Variants in YTHDC2 observed in about 807,000 individuals in gnomAD.
YTHDC2 encodes the protein YTH N6-methyladenosine RNA binding protein C2.
YTHDC2 carries 45 observed loss-of-function variants against 174.9 expected under a neutral mutation model. The observed-to-expected ratio is 0.26, with a 90% CI of 0.20 to 0.33. The LOEUF (loss-of-function observed/expected upper bound fraction) is 0.33, where lower values mean the gene tolerates loss of function less well. Among genes scored for constraint, YTHDC2 ranks in the 10% least tolerant of loss-of-function variants. The pLI, the probability that YTHDC2 is intolerant of heterozygous loss-of-function variation, is 1.00. For missense variants in YTHDC2, 1,650 were observed against 1,723.7 expected, an observed-to-expected ratio of 0.96 and a Z score of 0.76; for synonymous variants, 657 against 574.5, an observed-to-expected ratio of 1.14 and a Z score of -2.05.
chr5:113,522,403 A>G lies in YTHDC2; in HGVS notation c.279-2578A>G, dbSNP rs572876441. Among the ~76,000 whole-genome samples the G allele has an allele frequency of 1.2e-4, 19 of 152,284 alleles. No individual in the cohort carries two copies. In the South Asian group the frequency reaches 3.9e-3, roughly 32 times the overall value. On this transcript the variant is annotated intron_variant, in intron 2 of 29. Coordinates refer to ENST00000161863, the MANE Select transcript of YTHDC2 (RefSeq NM_022828.5). ...GCATCATTTTTCTTTCAAAGGAAGA[A>G]GCCATTGAAATGCCAAAATGCATCG...
chr5:113,564,845 G>A (rs1261198783), intron 20 of YTHDC2, among the ~76,000 whole-genome samples: 1 of 152,016 alleles, frequency 6.6e-6, no homozygotes, highest in African/African-American at 2.4e-5. Flanking sequence ...AGACAGTCTT[G>A]CTCTGTCACC....
chr5:113,534,133 G>A (rs1774885622), intron 5 of YTHDC2, among the ~76,000 whole-genome samples, 172 bp from the exon 6 acceptor site: 1 of 152,082 alleles, frequency 6.6e-6, no homozygotes, highest in East Asian at 1.9e-4. Context: ...GCTATTGTCA[G>A]GCAGTCTCAC....
intron 17 of YTHDC2, among the ~76,000 whole-genome samples, chr5:113,557,136 A>G (rs367755708): frequency 6.6e-6 from 1 of 152,158 alleles, no homozygotes; most frequent in East Asian, 1.9e-4. Flanking sequence ...AAAACAATGA[A>G]TGATTGTTAA....
chr5:113,540,972 G>A lies in YTHDC2; in HGVS notation c.1215G>A (p.Glu405=). ...TTTCTTTGATAATTAATTTAGAAGAGAAACAACAAACCACACTTACAGAAT... is the reference window on the plus strand; with the variant it reads ...TTTCTTTGATAATTAATTTAGAAGAAAAACAACAAACCACACTTACAGAAT... ...LKYKKEKQQE[E]KQQTTLTEWY... Residue 405 remains glutamate, a synonymous_variant, in exon 9 of 30, where the codon GAG becomes GAA. Transcript: ENST00000161863. 6.2e-7 allele frequency: 1 copy of A among 1,609,980 alleles called. No individual in the cohort carries two copies. Among genetic ancestry groups the A allele is most frequent in the East Asian group, 2.2e-5 (1 of 44,836 alleles).
At chr5:113,523,396 C>T (rs1265209364) in intron 2 of YTHDC2, among the ~76,000 whole-genome samples, 1 of 151,974 alleles carries the variant, frequency 6.6e-6, no homozygotes, top group African/African-American at 2.4e-5. Flanking sequence ...TCACTTCCTG[C>T]CTTTTGTAGT....
At chr5:113,549,463 T>C (rs1776105109) in intron 12 of YTHDC2, among the ~76,000 whole-genome samples, 1 of 152,188 alleles carries the variant, frequency 6.6e-6, no homozygotes, top group Non-Finnish European at 1.5e-5. Flanking sequence ...GAAACACTCA[T>C]TTTAGCTTTG....
intron 10 of YTHDC2, among the ~76,000 whole-genome samples, chr5:113,545,440 G>C (rs1180603900): frequency 6.6e-6 from 1 of 152,010 alleles, no homozygotes; most frequent in Non-Finnish European, 1.5e-5. Context: ...CTGGAGTGCA[G>C]TGGTGCTATT....
At chr5:113,579,754 T>C (rs776171279) in intron 24 of YTHDC2, 59 bp downstream of exon 24, 124 of 1,433,554 alleles carry the variant, frequency 8.6e-5, no homozygotes, top group Admixed American at 7.9e-5. Flanking sequence ...TGAATTGATA[T>C]ATAATATGAT....
At chr5:113,514,156 C>T (rs1773228658) in intron 1 of YTHDC2, 74 bp downstream of exon 1, 1 of 1,530,834 alleles carries the variant, frequency 6.5e-7, no homozygotes, top group Admixed American at 2.0e-5. Context: ...AACGGCGGCC[C>T]ACCGAGTGAT....
intron 23 of YTHDC2, among the ~76,000 whole-genome samples, chr5:113,569,496 A>G (rs1777577005): frequency 6.6e-6 from 1 of 152,174 alleles, no homozygotes; most frequent in Non-Finnish European, 1.5e-5. Flanking sequence ...TTAAGTCTTT[A>G]ATCCATCTTG....
chr5:113,546,846 G>C (rs1179783649), intron 10 of YTHDC2, among the ~76,000 whole-genome samples: 1 of 152,182 alleles, frequency 6.6e-6, no homozygotes, highest in Non-Finnish European at 1.5e-5. Context: ...CTTTTGGCAG[G>C]AGTCCTCAGT....
chr5:113,523,176 A>C (rs994139664), intron 2 of YTHDC2, among the ~76,000 whole-genome samples: 8 of 152,178 alleles, frequency 5.3e-5, no homozygotes, highest in African/African-American at 1.7e-4. Context: ...ATAAAATACA[A>C]TTAAAGGTGA....
intron 23 of YTHDC2, among the ~76,000 whole-genome samples, chr5:113,574,218 C>T (rs1240622242): frequency 6.6e-6 from 1 of 152,134 alleles, no homozygotes; most frequent in African/African-American, 2.4e-5. Context: ...TTCCATAGGG[C>T]TGCTGCGGTT....
intron 19 of YTHDC2, 33 bp downstream of exon 19, chr5:113,563,525 A>AT: frequency 6.5e-7 from 1 of 1,545,684 alleles, no homozygotes; most frequent in East Asian, 2.3e-5. Flanking sequence ...TTTACATGAC[A>AT]TTTTTACTTG....
intron 17 of YTHDC2, among the ~76,000 whole-genome samples, chr5:113,558,005 A>AT (rs1776728016): frequency 6.6e-6 from 1 of 152,190 alleles, no homozygotes; most frequent in African/African-American, 2.4e-5. Context: ...AAATTAAGCA[A>AT]TTTTAATACA....
At chr5:113,534,736 T>A (rs1430373556) in intron 6 of YTHDC2, among the ~76,000 whole-genome samples, 1 of 152,158 alleles carries the variant, frequency 6.6e-6, no homozygotes, top group Non-Finnish European at 1.5e-5. Context: ...AAGGGAGATT[T>A]CTTTTATCTC....
At chr5:113,531,570 G>A (rs879732705) in intron 4 of YTHDC2, among the ~76,000 whole-genome samples, 3 of 151,934 alleles carry the variant, frequency 2.0e-5, no homozygotes, top group Non-Finnish European at 4.4e-5. Context: ...AGAGAATTCA[G>A]CTGCCTTCAG....
At position 113,572,085 on chromosome 5, in the gene YTHDC2, A is replaced by C. The variant is rs1777759286; in HGVS notation, c.3244+4236A>C. 3.3e-5 allele frequency among the ~76,000 whole-genome samples: 5 copies of C among 152,132 alleles called. No individual in the cohort carries two copies. In the South Asian group the frequency reaches 1.0e-3, roughly 31 times the overall value. ...TAGGTGGTTAACTTGAAATCTTTCT[A>C]GCTTTCTGATGTGTTCATTTAGTGC... On this transcript the variant is annotated intron_variant, in intron 23 of 29. Transcript: ENST00000161863.
At chr5:113,543,457 C>G (rs539299958) in intron 10 of YTHDC2, among the ~76,000 whole-genome samples, 41 of 152,346 alleles carry the variant, frequency 2.7e-4, no homozygotes, top group African/African-American at 9.4e-4. Flanking sequence ...ACTTCCCCTA[C>G]TGTACATTTC....
Sources: allele counts gnomAD v4.1 joint callset (sites outside exome capture counted in the v4.1 genomes callset), GRCh38; gene constraint gnomAD v4.1.1; transcripts MANE v1.5; gene names NCBI Gene and HGNC (gene_info 2026-07-23, HGNC 2026-07-21).